ZFAT: variants seen among roughly 807,000 people sequenced by gnomAD.
The protein encoded by ZFAT is zinc finger and AT-hook domain containing.
In ZFAT, 64 loss-of-function variants were observed where a neutral mutation model predicts 117.7. That is an observed-to-expected ratio of 0.54 (90% CI 0.44 to 0.67). The LOEUF is 0.67. ZFAT is among the 30% of genes least tolerant of loss of function. ZFAT has a pLI of 0.00. For missense variants in ZFAT, 1,433 were observed against 1,584.5 expected (o/e 0.90, Z 1.62); for synonymous variants, 679 against 615.0 (o/e 1.10, Z -1.54).
chr8:134,635,712 ACT>A (rs1391960833), intron 3 of ZFAT, among the ~76,000 whole-genome samples: 3 of 151,696 alleles, frequency 2.0e-5, no homozygotes, highest in Non-Finnish European at 4.4e-5. Context: ...TGGGGGAAAG[ACT>A]CTGTAACCCA....
intron 2 of ZFAT, among the ~76,000 whole-genome samples, chr8:134,657,032 A>G (rs1452444905): frequency 6.6e-6 from 1 of 152,236 alleles, no homozygotes; most frequent in Non-Finnish European, 1.5e-5. Context: ...GTTTATAGGA[A>G]CAGTTGGAAA....
chr8:134,752,075 A>C, the ZFAT span, among the ~76,000 whole-genome samples: 1 of 151,922 alleles, frequency 6.6e-6, no homozygotes, highest in Non-Finnish European at 1.5e-5. Flanking sequence ...GGCTAGATCA[A>C]CTCTAAGATC....
chr8:134,646,791 T>C (rs746381088), intron 2 of ZFAT, among the ~76,000 whole-genome samples: 5 of 152,078 alleles, frequency 3.3e-5, no homozygotes, highest in Non-Finnish European at 5.9e-5. Context: ...ACCAACTAGA[T>C]AACCTAGAAG....
intron 10 of ZFAT, among the ~76,000 whole-genome samples, chr8:134,566,372 C>A (rs551344387): frequency 9.9e-6 from 1 of 101,148 alleles, no homozygotes; most frequent in Non-Finnish European, 1.8e-5. Context: ...CCAGCCTGGG[C>A]GACAGAGCAA....
At chr8:134,665,000 T>C (rs1832137073) in intron 1 of ZFAT, among the ~76,000 whole-genome samples, 1 of 152,196 alleles carries the variant, frequency 6.6e-6, no homozygotes, top group Non-Finnish European at 1.5e-5. Flanking sequence ...AATCCTAAAA[T>C]AACTGTACTA....
the ZFAT span, among the ~76,000 whole-genome samples, chr8:134,733,942 A>G: frequency 6.6e-6 from 1 of 152,228 alleles, no homozygotes; most frequent in African/African-American, 2.4e-5. Context: ...AAGAAAATAA[A>G]AGCACAGAGG....
intron 1 of ZFAT, among the ~76,000 whole-genome samples, chr8:134,710,688 T>C (rs1203290717): frequency 1.3e-5 from 2 of 152,172 alleles, no homozygotes; most frequent in African/African-American, 4.8e-5. Flanking sequence ...AACATGAAAT[T>C]TATTTATGTT....
chr8:134,508,715 G>T (rs1247407766), intron 15 of ZFAT, among the ~76,000 whole-genome samples: 1 of 152,162 alleles, frequency 6.6e-6, no homozygotes, highest in Non-Finnish European at 1.5e-5. Context: ...TAACCACCAT[G>T]ATGGCAGACA....
rs1298262152 is a variant in ZFAT, at chr8:134,513,672, G to GCCTT, written c.3235-1072_3235-1071insAAGG. Among the ~76,000 whole-genome samples, 16 of 152,286 alleles carry GCCTT rather than the reference G, an allele frequency of 1.1e-4. No homozygotes were observed. In the East Asian group the frequency reaches 3.1e-3, roughly 29 times the overall value. The stretch of plus-strand genomic sequence containing the variant: ...ATTATCTCTTTCTGGAAGGGGCAGA[G>GCCTT]AGTGCAAGCAAAACTGTAAGGCTGG... On this transcript the variant is annotated intron_variant, in intron 13 of 15. Coordinates refer to ENST00000377838, the MANE Select transcript of ZFAT (RefSeq NM_020863.4).
intron 3 of ZFAT, among the ~76,000 whole-genome samples, chr8:134,624,525 C>T (rs978502410): frequency 9.2e-5 from 14 of 152,048 alleles, no homozygotes; most frequent in African/African-American, 3.4e-4. Context: ...GGCATGGGGG[C>T]GCACACCTAT....
chr8:134,502,996 C>T (rs1487429788), intron 15 of ZFAT, among the ~76,000 whole-genome samples: 1 of 152,202 alleles, frequency 6.6e-6, no homozygotes, highest in Non-Finnish European at 1.5e-5. Flanking sequence ...ACACCCCATC[C>T]CCACCCCAGG....
intron 1 of ZFAT, chr8:134,674,833 TG>T: frequency 3.7e-6 from 1 of 272,656 alleles, no homozygotes; most frequent in Non-Finnish European, 7.4e-6. Context: ...CAGCCTCCAC[TG>T]GTGATACCCA....
chr8:134,489,145 C>A (rs1204982614), intron 15 of ZFAT, among the ~76,000 whole-genome samples: 4 of 152,000 alleles, frequency 2.6e-5, no homozygotes, highest in Non-Finnish European at 5.9e-5. Context: ...CAGCAGAGAC[C>A]TGATCAGACC....
the ZFAT span, among the ~76,000 whole-genome samples, chr8:134,827,766 TAAAAAAAA>T: frequency 8.7e-6 from 1 of 114,740 alleles, no homozygotes; most frequent in East Asian, 2.3e-4. Context: ...AGACTCTGTC[TAAAAAAAA>T]AAAAAAAAAA....
chr8:134,583,281 C>G (rs1825835122), intron 10 of ZFAT, among the ~76,000 whole-genome samples: 1 of 152,214 alleles, frequency 6.6e-6, no homozygotes, highest in South Asian at 2.1e-4. Flanking sequence ...ACCTACCTCC[C>G]TGTCTAGCAC....
intron 7 of ZFAT, chr8:134,600,202 A>G: frequency 1.8e-6 from 1 of 554,606 alleles, no homozygotes; most frequent in East Asian, 3.0e-5. Flanking sequence ...GATGCTAAAA[A>G]AATTTGCACA....
At chr8:134,653,431 T>G (rs1831404291) in intron 2 of ZFAT, among the ~76,000 whole-genome samples, 1 of 139,332 alleles carries the variant, frequency 7.2e-6, no homozygotes, top group Non-Finnish European at 1.6e-5. Context: ...TTTTTTTTTT[T>G]TTTTTTTTTT....
chr8:134,793,311 T>C, the ZFAT span: 2 of 152,230 alleles, frequency 1.3e-5, no homozygotes, highest in Admixed American at 6.5e-5. Flanking sequence ...GGCACATTTA[T>C]GGCACAAAGA....
At chr8:134,515,142 C>CT (rs1586623198) in intron 13 of ZFAT, among the ~76,000 whole-genome samples, 1 of 152,250 alleles carries the variant, frequency 6.6e-6, no homozygotes, top group East Asian at 1.9e-4. Context: ...ATGAACTCAT[C>CT]TTTTTTATGG....
Sources: gnomAD v4.1 joint callset for allele counts (sites outside exome capture counted in the v4.1 genomes callset) on GRCh38, gnomAD v4.1.1 for gene constraint, MANE v1.5 for transcripts, NCBI Gene and HGNC (gene_info 2026-07-23, HGNC 2026-07-21) for gene names.